PPA2: variants seen among roughly 807,000 people sequenced by gnomAD.
PPA2 encodes the protein inorganic pyrophosphatase 2.
PPA2 carries 48 observed loss-of-function variants against 49.5 expected under a neutral mutation model. The observed-to-expected ratio is 0.97, with a 90% CI of 0.77 to 1.23. The LOEUF is 1.23. Among genes scored for constraint, PPA2 ranks in the 50% most tolerant of loss-of-function variants. The pLI, the probability that PPA2 is intolerant of heterozygous loss-of-function variation, is 0.00. For missense variants in PPA2, 429 were observed against 410.1 expected, an observed-to-expected ratio of 1.05 and a Z score of -0.40; for synonymous variants, 131 against 139.9, an observed-to-expected ratio of 0.94 and a Z score of 0.45.
At chr4:105,451,496 T>G (rs1722674138) in intron 3 of PPA2, among the ~76,000 whole-genome samples, 1 of 152,236 alleles carries the variant, frequency 6.6e-6, no homozygotes, top group Non-Finnish European at 1.5e-5. Flanking sequence ...GCTGTTATGT[T>G]TCATTTTCTA....
chr4:105,377,827 A>T, intron 10 of PPA2, among the ~76,000 whole-genome samples: 1 of 151,478 alleles, frequency 6.6e-6, no homozygotes, highest in Admixed American at 6.6e-5. Context: ...TTCACTCAAT[A>T]TTTTTTTTTA....
chr4:105,373,764 A>AACAC (rs1227624329), intron 10 of PPA2, among the ~76,000 whole-genome samples: 3 of 64,932 alleles, frequency 4.6e-5, no homozygotes, highest in African/African-American at 1.5e-4. Flanking sequence ...TATATATTTA[A>AACAC]ATACACACAC....
intron 1 of PPA2, among the ~76,000 whole-genome samples, chr4:105,463,810 G>C (rs1315340109): frequency 6.6e-6 from 1 of 152,200 alleles, no homozygotes; most frequent in Non-Finnish European, 1.5e-5. Context: ...TGAGCCTGCG[G>C]GTGCACAGAA....
chr4:105,425,621 G>C (rs561617292), intron 6 of PPA2, among the ~76,000 whole-genome samples: 1 of 151,638 alleles, frequency 6.6e-6, no homozygotes. Flanking sequence ...TTCCAGAATG[G>C]GAAAGAGGAG....
chr4:105,432,064 T>A (rs1723829544), intron 6 of PPA2, among the ~76,000 whole-genome samples: 1 of 152,236 alleles, frequency 6.6e-6, no homozygotes, highest in African/African-American at 2.4e-5. Context: ...TAATGTACAC[T>A]TTAAAATGGT....
chr4:105,372,058 T>C (rs1418530041), intron 10 of PPA2, among the ~76,000 whole-genome samples: 4 of 152,068 alleles, frequency 2.6e-5, no homozygotes, highest in Admixed American at 6.6e-5. Flanking sequence ...ACAAAGTCCA[T>C]AGAGTCAGGA....
intron 5 of PPA2, among the ~76,000 whole-genome samples, chr4:105,440,613 C>T (rs1477362762): frequency 6.6e-6 from 1 of 152,172 alleles, no homozygotes; most frequent in African/African-American, 2.4e-5. Context: ...ATTGTTAGTG[C>T]TCATTTACAA....
chr4:105,401,795 T>C (rs1191087674), intron 7 of PPA2, among the ~76,000 whole-genome samples: 1 of 152,228 alleles, frequency 6.6e-6, no homozygotes, highest in East Asian at 1.9e-4. Flanking sequence ...ATCAACTTAC[T>C]GGACTGATTA....
rs560578959 is a variant in PPA2, at chr4:105,438,724, C to A, written c.442-688G>T. Among the ~76,000 whole-genome samples the A allele has an allele frequency of 1.1e-4, 16 of 152,240 alleles. 1 individual carries two copies. In the South Asian group the frequency reaches 3.3e-3, roughly 32 times the overall value. ...AGTAAGATTAAAGATCCCTTAGGCA[C>A]TATCTCTCCCAAAAAGCCTCAGAAT... On this transcript the variant is annotated intron_variant, in intron 5 of 11. Coordinates refer to ENST00000341695, the MANE Select transcript of PPA2 (RefSeq NM_176869.3).
chr4:105,449,464 T>C, intron 3 of PPA2, 61 bp from the exon 4 acceptor site: 1 of 1,054,942 alleles, frequency 9.5e-7, no homozygotes, highest in Non-Finnish European at 1.4e-6. Context: ...TTTTTTCCGT[T>C]ACCTCCCTTA....
chr4:105,464,482 G>A (rs2110328786), intron 1 of PPA2, among the ~76,000 whole-genome samples: 1 of 152,264 alleles, frequency 6.6e-6, no homozygotes, highest in African/African-American at 2.4e-5. Flanking sequence ...TAAGACTTTG[G>A]GGGACTGTTG....
intron 6 of PPA2, among the ~76,000 whole-genome samples, chr4:105,427,204 A>G (rs2636718): frequency 0.61 from 92,068 of 152,010 alleles, 27,894 homozygotes; most frequent in East Asian, 0.68. Flanking sequence ...GGTCACCAAC[A>G]TCAAAGACCA....
At chr4:105,405,446 T>G in intron 7 of PPA2, 2 of 862,426 alleles carry the variant, frequency 2.3e-6, no homozygotes, top group Non-Finnish European at 2.8e-6. Flanking sequence ...TATAAATTTA[T>G]TTTTTTCCAC....
At chr4:105,371,765 T>C (rs1733035717) in intron 10 of PPA2, among the ~76,000 whole-genome samples, 1 of 152,156 alleles carries the variant, frequency 6.6e-6, no homozygotes, top group African/African-American at 2.4e-5. Context: ...CTGATGAATA[T>C]ATATATGAAA....
At chr4:105,389,314 G>T (rs986975381) in intron 9 of PPA2, among the ~76,000 whole-genome samples, 1 of 151,912 alleles carries the variant, frequency 6.6e-6, no homozygotes, top group Non-Finnish European at 1.5e-5. Flanking sequence ...AATCATGGAG[G>T]CCCCAAGGAA....
chr4:105,380,113 A>G (rs1265394882), intron 10 of PPA2, among the ~76,000 whole-genome samples: 1 of 152,134 alleles, frequency 6.6e-6, no homozygotes, highest in African/African-American at 2.4e-5. Flanking sequence ...CCTTCAGTAC[A>G]ATGCTGAACA....
At chr4:105,395,823 C>T (rs1441086569) in intron 9 of PPA2, among the ~76,000 whole-genome samples, 2 of 152,094 alleles carry the variant, frequency 1.3e-5, no homozygotes, top group Non-Finnish European at 2.9e-5. Context: ...GGTGAATATA[C>T]ATTTAAATGT....
chr4:105,445,361 T>C (rs958792896), intron 5 of PPA2, among the ~76,000 whole-genome samples: 8 of 152,182 alleles, frequency 5.3e-5, no homozygotes, highest in Admixed American at 1.3e-4. Context: ...GAAAACCTGC[T>C]TTCATGGTTT....
intron 7 of PPA2, among the ~76,000 whole-genome samples, chr4:105,409,428 C>T (rs577788292): frequency 1.3e-5 from 2 of 152,186 alleles, no homozygotes; most frequent in East Asian, 3.9e-4. Context: ...CAGTGCCCCT[C>T]TGCAAGGCCT....
Sources: gnomAD v4.1 joint callset for allele counts (sites outside exome capture counted in the v4.1 genomes callset) on GRCh38, gnomAD v4.1.1 for gene constraint, MANE v1.5 for transcripts, NCBI Gene and HGNC (gene_info 2026-07-23, HGNC 2026-07-21) for gene names.